IL33: variants seen among roughly 807,000 people sequenced by gnomAD.
IL33 encodes the protein interleukin 33, also known as interleukin-33.
A neutral mutation model predicts 27.3 loss-of-function variants in IL33; 37 were observed. The ratio of observed to expected loss-of-function variants is 1.36; its 90% confidence interval spans 1.04 to 1.78. The LOEUF (loss-of-function observed/expected upper bound fraction) is 1.78, where lower values mean the gene tolerates loss of function less well. Ranked by LOEUF, IL33 falls within the 40% of genes most tolerant of loss-of-function variation. The probability of loss-of-function intolerance (pLI) is 0.00; values close to 1 mark genes in which losing one functional copy is unlikely to be tolerated. For missense variants in IL33, 406 were observed against 311.4 expected, an observed-to-expected ratio of 1.30 and a Z score of -2.29; for synonymous variants, 132 against 102.9, an observed-to-expected ratio of 1.28 and a Z score of -1.71.
At chr9:6,226,638 A>C (rs1008433305) in intron 1 of IL33, among the ~76,000 whole-genome samples, 2 of 152,202 alleles carry the variant, frequency 1.3e-5, no homozygotes, top group East Asian at 3.8e-4. Context: ...TTTTAATTTC[A>C]GTAATATATC....
chr9:6,221,839 C>G (rs1057140071), intron 1 of IL33, among the ~76,000 whole-genome samples: 1 of 152,112 alleles, frequency 6.6e-6, no homozygotes, highest in Non-Finnish European at 1.5e-5. Context: ...TCATATCTGT[C>G]CAGAGTGGGA....
At chr9:6,243,719 G>T (rs1819664357) in intron 2 of IL33, among the ~76,000 whole-genome samples, 1 of 152,180 alleles carries the variant, frequency 6.6e-6, no homozygotes, top group Non-Finnish European at 1.5e-5. Context: ...TAAGTTAATG[G>T]AGCCTTGGTG....
chr9:6,254,387 C>T (rs1022976110), intron 6 of IL33, 75 bp from the exon 7 acceptor site: 7 of 881,118 alleles, frequency 7.9e-6, no homozygotes, highest in African/African-American at 1.7e-5. Context: ...GACTTTTTTC[C>T]TGGGTGTTGA....
chr9:6,251,869 G>A (rs1816382200), intron 4 of IL33, among the ~76,000 whole-genome samples: 1 of 151,374 alleles, frequency 6.6e-6, no homozygotes, highest in East Asian at 1.9e-4. Flanking sequence ...GCGAAACCCT[G>A]TCTCTACTAA....
chr9:6,243,417 C>G (rs1819645764), intron 2 of IL33, among the ~76,000 whole-genome samples: 1 of 152,084 alleles, frequency 6.6e-6, no homozygotes, highest in African/African-American at 2.4e-5. Flanking sequence ...TGCAGTGGCA[C>G]CATCTCATCT....
At chr9:6,252,750 C>A in intron 4 of IL33, 116 bp from the exon 5 acceptor site, 1 of 1,201,450 alleles carries the variant, frequency 8.3e-7, no homozygotes, top group Non-Finnish European at 1.2e-6. Flanking sequence ...TTTAATCTAG[C>A]CAACAGTGAC....
intron 1 of IL33, among the ~76,000 whole-genome samples, chr9:6,228,413 T>C (rs1345580411): frequency 6.6e-6 from 1 of 152,220 alleles, no homozygotes; most frequent in Non-Finnish European, 1.5e-5. Context: ...TTTACATTAC[T>C]TGTCCAATTT....
intron 1 of IL33, among the ~76,000 whole-genome samples, chr9:6,229,881 T>C (rs1246447920): frequency 1.3e-5 from 2 of 151,980 alleles, no homozygotes; most frequent in Admixed American, 6.6e-5. Flanking sequence ...GTCGGCTTGA[T>C]TGTGGGTTGT....
intron 2 of IL33, among the ~76,000 whole-genome samples, chr9:6,249,293 C>T (rs1816195320): frequency 6.6e-6 from 1 of 152,096 alleles, no homozygotes; most frequent in South Asian, 2.1e-4. Context: ...GGCAAATCCA[C>T]TGGAGAATTT....
chr9:6,238,762 T>C (rs1292092101), intron 1 of IL33, among the ~76,000 whole-genome samples: 3 of 152,164 alleles, frequency 2.0e-5, no homozygotes. Flanking sequence ...GCAATAATTA[T>C]TGATAGAATT....
rs1816711707 is a variant in IL33, at chr9:6,256,057, T to A, written c.702T>A (p.Thr234=). 6.2e-7 allele frequency: 1 copy of A among 1,613,404 alleles called. No individual in the cohort carries two copies. Residue 234 remains threonine (T), a synonymous_variant, in exon 8 of 8, where the codon ACT becomes ACA. Transcript: ENST00000682010. The stretch of plus-strand genomic sequence containing the variant: ...ACTGTGTTTCATTTGAATGCAAGAC[T>A]GATCCTGGAGTGTTTATAGGTGTAA... ...HSNCVSFECK[T]DPGVFIGVKD... is the part of the protein sequence containing the mutation.
chr9:6,216,102 C>G (rs1466609584), intron 1 of IL33, among the ~76,000 whole-genome samples: 1 of 151,846 alleles, frequency 6.6e-6, no homozygotes, highest in Non-Finnish European at 1.5e-5. Context: ...ATAGTAAATT[C>G]TGCCCCCTCC....
At chr9:6,217,736 T>C (rs949696445) in intron 1 of IL33, among the ~76,000 whole-genome samples, 1 of 152,212 alleles carries the variant, frequency 6.6e-6, no homozygotes, top group Non-Finnish European at 1.5e-5. Context: ...TTCTGCCTCC[T>C]CACAATTTTC....
rs200082331 is a variant in IL33, at chr9:6,250,523, C to T, written c.141C>T (p.Leu47=). Residue 47 remains leucine (L), a synonymous_variant, in exon 3 of 8, where the codon CTC becomes CTT. Transcript: ENST00000682010. The part of the protein sequence containing the change: ...KEVCPMYFMK[L]RSGLMIKKEA... ...TTTGCCCCATGTACTTTATGAAGCT[C>T]CGCTCTGGCCTTATGATAAAAAAGG... The T allele has an allele frequency of 1.2e-6, 2 of 1,614,002 alleles. No individual in the cohort carries two copies. Among genetic ancestry groups the T allele is most frequent in the Non-Finnish European group, 1.7e-6 (2 of 1,179,938 alleles).
intron 1 of IL33, among the ~76,000 whole-genome samples, chr9:6,228,576 G>C (rs1818763903): frequency 6.6e-6 from 1 of 151,546 alleles, no homozygotes; most frequent in Admixed American, 6.6e-5. Flanking sequence ...TTAAACAACA[G>C]CCAGGCATGG....
intron 1 of IL33, among the ~76,000 whole-genome samples, chr9:6,235,213 A>T (rs951839610): frequency 6.6e-6 from 1 of 152,142 alleles, no homozygotes; most frequent in East Asian, 1.9e-4. Flanking sequence ...GCTAATTTTT[A>T]AAAATTTTTT....
At chr9:6,219,281 G>T (rs1818311150) in intron 1 of IL33, among the ~76,000 whole-genome samples, 1 of 151,854 alleles carries the variant, frequency 6.6e-6, no homozygotes, top group Non-Finnish European at 1.5e-5. Context: ...ATTCTCTGGT[G>T]CTGATGTCTG....
intron 1 of IL33, among the ~76,000 whole-genome samples, chr9:6,233,067 C>T (rs983230727): frequency 6.6e-6 from 1 of 152,170 alleles, no homozygotes; most frequent in African/African-American, 2.4e-5. Context: ...GTGGCATTCA[C>T]ATTGTTGTAC....
intron 1 of IL33, among the ~76,000 whole-genome samples, chr9:6,227,662 G>C (rs555248274): frequency 6.6e-6 from 1 of 152,088 alleles, no homozygotes; most frequent in Non-Finnish European, 1.5e-5. Flanking sequence ...TAAGTGTAAT[G>C]CTTTCTCCTT....
Sources: gnomAD v4.1 joint callset for allele counts (sites outside exome capture counted in the v4.1 genomes callset) on GRCh38, gnomAD v4.1.1 for gene constraint, MANE v1.5 for transcripts, NCBI Gene and HGNC (gene_info 2026-07-23, HGNC 2026-07-21) for gene names.